Variants in VIT observed in about 807,000 individuals in gnomAD.
VIT encodes vitrin.
Under a neutral mutation model 78.0 loss-of-function variants are expected in VIT, and 99 were observed. The ratio of observed to expected loss-of-function variants is 1.27; its 90% CI spans 1.08 to 1.50. The LOEUF is 1.50. VIT is among the 40% of genes most tolerant of loss of function. The probability of loss-of-function intolerance (pLI) is 0.00; values close to 1 mark genes in which losing one functional copy is unlikely to be tolerated. For missense variants in VIT, 1,126 were observed against 875.3 expected (o/e 1.29, Z -3.61); for synonymous variants, 374 against 334.3 (o/e 1.12, Z -1.29).
chr2:36,796,964 A>G (rs1190540978), intron 12 of VIT, among the ~76,000 whole-genome samples: 1 of 152,196 alleles, frequency 6.6e-6, no homozygotes, highest in Non-Finnish European at 1.5e-5. Context: ...TTTTACTATT[A>G]ATGTTTTACA....
chr2:36,755,196 C>T (rs1364492601), intron 5 of VIT, 142 bp downstream of exon 5: 29 of 956,220 alleles, frequency 3.0e-5, no homozygotes, highest in East Asian at 2.6e-4. Context: ...ATTAGAATCA[C>T]GACACAATAA....
At chr2:36,720,524 A>G (rs1304783260) in intron 2 of VIT, among the ~76,000 whole-genome samples, 1 of 152,244 alleles carries the variant, frequency 6.6e-6, no homozygotes, top group Non-Finnish European at 1.5e-5. Flanking sequence ...AAATCCTGTC[A>G]TTTACAATGT....
intron 2 of VIT, among the ~76,000 whole-genome samples, chr2:36,727,266 G>A (rs893528134): frequency 6.6e-6 from 1 of 152,058 alleles, no homozygotes; most frequent in Non-Finnish European, 1.5e-5. Flanking sequence ...CCTGCATTCA[G>A]CCTTCCCTCA....
chr2:36,699,155 C>G (rs544881548), intron 1 of VIT, among the ~76,000 whole-genome samples: 1 of 152,134 alleles, frequency 6.6e-6, no homozygotes, highest in Admixed American at 6.5e-5. Flanking sequence ...GGGGACAAGA[C>G]AGAACACAAT....
At chr2:36,789,232 G>C (rs1260341327) in intron 12 of VIT, among the ~76,000 whole-genome samples, 1 of 152,156 alleles carries the variant, frequency 6.6e-6, no homozygotes, top group Non-Finnish European at 1.5e-5. Flanking sequence ...TCCTCTGTGT[G>C]ACCTTAAGCC....
intron 12 of VIT, among the ~76,000 whole-genome samples, chr2:36,791,672 C>T (rs572443590): frequency 6.6e-6 from 1 of 152,296 alleles, no homozygotes; most frequent in East Asian, 1.9e-4. Flanking sequence ...AGGAAAGGGA[C>T]ATGAGCAAGA....
chr2:36,809,173 C>A (rs1256668258), intron 15 of VIT, among the ~76,000 whole-genome samples, 188 bp downstream of exon 15: 2 of 152,116 alleles, frequency 1.3e-5, no homozygotes, highest in Non-Finnish European at 2.9e-5. Flanking sequence ...GGAGAAGGAA[C>A]AAGGATGGGG....
chr2:36,764,788 C>T lies in VIT; in HGVS notation c.488-2306C>T, dbSNP rs1246498908. The stretch of plus-strand genomic sequence containing the variant: ...GGAAATGAGCAGGTGCTGCTGTTGG[C>T]GGTGGGTCTAAACACCCCACCACAC... On this transcript the variant is annotated intron_variant, in intron 6 of 15. Coordinates refer to ENST00000379242, the MANE Select transcript of VIT (RefSeq NM_053276.4). Among the ~76,000 whole-genome samples the T allele has an allele frequency of 3.9e-5, 6 of 152,152 alleles. No individual in the cohort carries two copies. The East Asian group carries it at 7.7e-4, about 20-fold the overall frequency.
At chr2:36,792,758 C>T (rs978776771) in intron 12 of VIT, among the ~76,000 whole-genome samples, 1 of 152,174 alleles carries the variant, frequency 6.6e-6, no homozygotes, top group African/African-American at 2.4e-5. Flanking sequence ...GAAGCCCAGT[C>T]CCCCAGTGAC....
chr2:36,701,401 A>G (rs1665049208), intron 1 of VIT, among the ~76,000 whole-genome samples: 1 of 152,302 alleles, frequency 6.6e-6, no homozygotes, highest in Admixed American at 6.5e-5. Context: ...TCGCAGAAAG[A>G]ATCATGCTTC....
At chr2:36,708,147 C>A (rs1460959917) in intron 1 of VIT, among the ~76,000 whole-genome samples, 2 of 150,912 alleles carry the variant, frequency 1.3e-5, no homozygotes, top group Non-Finnish European at 3.0e-5. Flanking sequence ...TTCCTTTTCC[C>A]GTCCTCACCA....
At chr2:36,724,795 A>C (rs530476400) in intron 2 of VIT, among the ~76,000 whole-genome samples, 7 of 152,210 alleles carry the variant, frequency 4.6e-5, no homozygotes, top group Non-Finnish European at 1.0e-4. Flanking sequence ...AGTCCTAATG[A>C]TACCAGGACT....
Position 36,716,435 on chromosome 2 carries a change from A to G in VIT, c.52+13A>G, listed in dbSNP as rs202087353. ...GAAATGTTCCTTGGTAAGTACTTTT[A>G]TATGTGTATCTGGATACCCTTTTAA... On this transcript the variant is annotated intron_variant, in intron 2 of 15. Transcript: ENST00000379242. The G allele has an allele frequency of 6.6e-4, 1,058 of 1,613,088 alleles. 12 individuals carry two copies. The highest frequency in any genetic ancestry group is 5.8e-4 in the Admixed American group (35 of 59,992).
At chr2:36,798,460 T>G (rs2148659893) in intron 12 of VIT, among the ~76,000 whole-genome samples, 1 of 152,282 alleles carries the variant, frequency 6.6e-6, no homozygotes, top group South Asian at 2.1e-4. Context: ...AATTGCTTTG[T>G]AAAAATATAA....
chr2:36,708,091 C>T (rs144813845), intron 1 of VIT, among the ~76,000 whole-genome samples: 1 of 151,398 alleles, frequency 6.6e-6, no homozygotes, highest in African/African-American at 2.4e-5. Flanking sequence ...TAGAGGCCAC[C>T]ACCACATTGT....
At chr2:36,774,547 G>C in intron 8 of VIT, 2 of 985,370 alleles carry the variant, frequency 2.0e-6, no homozygotes, top group Non-Finnish European at 2.4e-6. Flanking sequence ...CCTGCTGGGG[G>C]ATACTCGTCC....
At chr2:36,744,521 T>C (rs1191635279) in intron 4 of VIT, among the ~76,000 whole-genome samples, 1 of 152,208 alleles carries the variant, frequency 6.6e-6, no homozygotes, top group African/African-American at 2.4e-5. Context: ...CCATTCTGAC[T>C]GGTGTAAGAT....
intron 2 of VIT, among the ~76,000 whole-genome samples, chr2:36,721,031 A>T (rs1000509432): frequency 1.3e-5 from 2 of 151,872 alleles, no homozygotes; most frequent in Admixed American, 6.6e-5. Context: ...AAAGGTACAA[A>T]CTTTCAGTTA....
At chr2:36,707,051 A>G (rs781198590) in intron 1 of VIT, among the ~76,000 whole-genome samples, 22 of 152,160 alleles carry the variant, frequency 1.4e-4, no homozygotes, top group Non-Finnish European at 3.2e-4. Flanking sequence ...GTTTAGTGAG[A>G]AAACTCTCTG....
Sources: gnomAD v4.1 joint callset for allele counts (sites outside exome capture counted in the v4.1 genomes callset) on GRCh38, gnomAD v4.1.1 for gene constraint, MANE v1.5 for transcripts, NCBI Gene and HGNC (gene_info 2026-07-23, HGNC 2026-07-21) for gene names.